SLC12A1: variants seen among roughly 807,000 people sequenced by gnomAD.
SLC12A1 encodes the protein solute carrier family 12 member 1.
A neutral mutation model predicts 130.4 loss-of-function variants in SLC12A1; 89 were observed. The ratio of observed to expected loss-of-function variants is 0.68; its 90% CI spans 0.58 to 0.81. The LOEUF is 0.81. Among genes scored for constraint, SLC12A1 ranks in the 40% least tolerant of loss-of-function variants. SLC12A1 has a pLI of 0.00. For synonymous variants in SLC12A1, 499 were observed against 460.0 expected (o/e 1.08, Z -1.09); for missense variants, 1,310 against 1,336.4 (o/e 0.98, Z 0.31).
chr15:48,212,949 T>C (rs980019398), intron 2 of SLC12A1, among the ~76,000 whole-genome samples: 5 of 152,238 alleles, frequency 3.3e-5, no homozygotes, highest in African/African-American at 1.2e-4. Flanking sequence ...GAACTTGTTA[T>C]GTTTCAGACA....
At position 48,240,825 on chromosome 15, in the gene SLC12A1, TC is replaced by T. The variant is rs1018017174; in HGVS notation, c.1216-683del. ...TTAAGAATTGATTTTATATGATTTA[TC>T]CCCCCCAATAGGATATACAATGGTA... On this transcript the variant is annotated intron_variant, in intron 9 of 26. Transcript: ENST00000380993. Among the ~76,000 whole-genome samples the T allele has an allele frequency of 5.3e-5, 8 of 152,178 alleles. No individual in the cohort carries two copies. In the East Asian group the frequency reaches 5.8e-4, roughly 11 times the overall value.
chr15:48,237,254 G>T, intron 9 of SLC12A1: 1 of 513,664 alleles, frequency 1.9e-6, no homozygotes, highest in Non-Finnish European at 3.4e-6. Flanking sequence ...GATGTAAGAA[G>T]GCACCAAGAA....
chr15:48,221,710 A>G (rs1477194868), intron 4 of SLC12A1, among the ~76,000 whole-genome samples: 1 of 152,190 alleles, frequency 6.6e-6, no homozygotes, highest in Non-Finnish European at 1.5e-5. Context: ...TAAAGTTTTT[A>G]TGAAAAATCT....
At chr15:48,242,990 G>A (rs1406350618) in intron 10 of SLC12A1, among the ~76,000 whole-genome samples, 1 of 152,046 alleles carries the variant, frequency 6.6e-6, no homozygotes, top group Admixed American at 6.6e-5. Flanking sequence ...ATGAGTAAAG[G>A]TATAGACCTG....
chr15:48,249,439 A>G, intron 13 of SLC12A1, 136 bp from the exon 14 acceptor site: 1 of 703,370 alleles, frequency 1.4e-6, no homozygotes, highest in South Asian at 1.7e-5. Context: ...AAGAAAAATG[A>G]CTAACTTCTT....
chr15:48,270,477 A>C (rs1222595198), intron 19 of SLC12A1, among the ~76,000 whole-genome samples: 1 of 151,456 alleles, frequency 6.6e-6, no homozygotes, highest in African/African-American at 2.4e-5. Flanking sequence ...AGCATGCTGA[A>C]AAATCTCAGC....
Position 48,207,560 on chromosome 15 carries a change from T to C in SLC12A1, c.-160T>C. 2.0e-6 allele frequency: 1 copy of C among 499,680 alleles called. No homozygotes were observed. Among genetic ancestry groups the C allele is most frequent in the Non-Finnish European group, 3.4e-6 (1 of 296,324 alleles). The allele number at this position is 499,680 out of a possible 1,614,324, so 31.0% of individuals were successfully genotyped here. ...TTTGAAGAACATCCTGAAGATTATA[T>C]CGGAGACAATATATCAAGAATCTAT... On this transcript the variant is annotated 5_prime_UTR_variant, in exon 2 of 27. Transcript: ENST00000380993.
chr15:48,275,686 G>A (rs1367510508), intron 20 of SLC12A1, among the ~76,000 whole-genome samples: 3 of 151,950 alleles, frequency 2.0e-5, no homozygotes, highest in African/African-American at 7.3e-5. Context: ...AGAATAGAGA[G>A]GAATGGAATA....
intron 17 of SLC12A1, among the ~76,000 whole-genome samples, chr15:48,260,953 A>T (rs1329604645): frequency 6.6e-6 from 1 of 152,190 alleles, no homozygotes; most frequent in Non-Finnish European, 1.5e-5. Context: ...ACTTAATGCA[A>T]TTATCTGGTA....
chr15:48,238,864 A>G (rs955498928), intron 9 of SLC12A1, among the ~76,000 whole-genome samples: 31 of 152,310 alleles, frequency 2.0e-4, no homozygotes, highest in African/African-American at 7.5e-4. Flanking sequence ...ATGCACTAAC[A>G]GATGATCTGT....
intron 19 of SLC12A1, among the ~76,000 whole-genome samples, chr15:48,272,869 A>G (rs1250131746): frequency 6.6e-6 from 1 of 152,020 alleles, no homozygotes; most frequent in African/African-American, 2.4e-5. Context: ...GCACTTTGGG[A>G]GGCCAAGGTG....
intron 8 of SLC12A1, among the ~76,000 whole-genome samples, chr15:48,233,657 A>G (rs748935063): frequency 8.0e-4 from 121 of 151,932 alleles, no homozygotes; most frequent in Non-Finnish European, 1.4e-3. Context: ...GAGTTTTTCA[A>G]TGTTTCCCTT....
At chr15:48,277,951 T>C (rs2041971254) in intron 20 of SLC12A1, among the ~76,000 whole-genome samples, 1 of 152,108 alleles carries the variant, frequency 6.6e-6, no homozygotes, top group African/African-American at 2.4e-5. Flanking sequence ...GCGAGGAGAG[T>C]GCATCCTATG....
At chr15:48,230,652 C>T in intron 7 of SLC12A1, 149 bp downstream of exon 7, 2 of 631,576 alleles carry the variant, frequency 3.2e-6, no homozygotes, top group South Asian at 1.9e-5. Flanking sequence ...GAACACCAAG[C>T]CTGCAAAGCA....
chr15:48,299,127 A>C lies in SLC12A1; in HGVS notation c.2961-13A>C. On this transcript the variant is annotated splice_polypyrimidine_tract_variant and intron_variant, in intron 24 of 26. Coordinates refer to ENST00000380993, the MANE Select transcript of SLC12A1 (RefSeq NM_000338.3). Reference sequence around the variant, plus strand: ...TTCCCACTGTGAGGCCTCCTTTATAATTCAAATTTTAGCTGGAAAGTCTTT... The same window carrying C: ...TTCCCACTGTGAGGCCTCCTTTATACTTCAAATTTTAGCTGGAAAGTCTTT... 1 of 1,597,454 alleles carries C rather than the reference A, an allele frequency of 6.3e-7. No individual in the cohort carries two copies. Among genetic ancestry groups the C allele is most frequent in the Middle Eastern group, 1.7e-4 (1 of 6,022 alleles).
At chr15:48,209,145 T>G (rs1344804265) in intron 2 of SLC12A1, among the ~76,000 whole-genome samples, 5 of 152,132 alleles carry the variant, frequency 3.3e-5, no homozygotes, top group Non-Finnish European at 2.9e-5. Context: ...CACCGCAACC[T>G]CCACCTCCTG....
intron 20 of SLC12A1, among the ~76,000 whole-genome samples, chr15:48,278,398 A>G (rs2041977219): frequency 6.6e-6 from 1 of 152,194 alleles, no homozygotes; most frequent in Non-Finnish European, 1.5e-5. Context: ...CAAGATTCAC[A>G]AGGCTAGTCA....
chr15:48,301,330 C>A lies in SLC12A1; in HGVS notation c.3112C>A (p.Arg1038=). ...TTGCCCACAGAGTTACCGCCAAGTTCGACTGAATGAACTCTTACAGGAGCA... is the reference window on the plus strand; with the variant it reads ...TTGCCCACAGAGTTACCGCCAAGTTAGACTGAATGAACTCTTACAGGAGCA... ...AVKEKSYRQV[R]LNELLQEHSR... The change falls in exon 26 of 27, where the codon CGA becomes AGA. Residue 1038 remains arginine (R), a synonymous_variant. Coordinates refer to ENST00000380993, the MANE Select transcript of SLC12A1 (RefSeq NM_000338.3). The A allele has an allele frequency of 6.2e-7, 1 of 1,600,970 alleles. No individual in the cohort carries two copies. Among genetic ancestry groups the A allele is most frequent in the Non-Finnish European group, 8.5e-7 (1 of 1,173,232 alleles).
At chr15:48,251,811 C>A in intron 15 of SLC12A1, 41 bp downstream of exon 15, 1 of 1,566,108 alleles carries the variant, frequency 6.4e-7, no homozygotes, top group Non-Finnish European at 8.8e-7. Context: ...CCAAATCTCT[C>A]TCTAACTACT....
Sources: gnomAD v4.1 joint callset for allele counts (sites outside exome capture counted in the v4.1 genomes callset) on GRCh38, gnomAD v4.1.1 for gene constraint, MANE v1.5 for transcripts, NCBI Gene and HGNC (gene_info 2026-07-23, HGNC 2026-07-21) for gene names.